Variants in CRISPLD2 observed in about 807,000 individuals in gnomAD.
CRISPLD2 encodes cysteine-rich secretory protein LCCL domain-containing 2.
Under a neutral mutation model 71.1 loss-of-function variants are expected in CRISPLD2, and 47 were observed. The observed-to-expected ratio is 0.66, with a 90% confidence interval of 0.52 to 0.84. CRISPLD2 has a LOEUF of 0.84. CRISPLD2 is among the 40% of genes least tolerant of loss of function. The pLI is 0.00. For missense variants in CRISPLD2, 830 were observed against 651.1 expected (o/e 1.27, Z -2.99); for synonymous variants, 317 against 250.1 (o/e 1.27, Z -2.52).
chr16:84,882,529 C>T (rs1353288437), intron 13 of CRISPLD2, among the ~76,000 whole-genome samples: 6 of 152,180 alleles, frequency 3.9e-5, no homozygotes, highest in Admixed American at 2.0e-4. Flanking sequence ...CTCAGCCTCC[C>T]GAGTGGCTGG....
chr16:84,848,276 C>T (rs1916970903), intron 3 of CRISPLD2, among the ~76,000 whole-genome samples: 1 of 152,224 alleles, frequency 6.6e-6, no homozygotes. Flanking sequence ...CTGCCCGCTG[C>T]CGTGCGCTCC....
At chr16:84,832,805 C>T (rs1916520135) in intron 1 of CRISPLD2, among the ~76,000 whole-genome samples, 1 of 152,216 alleles carries the variant, frequency 6.6e-6, no homozygotes, top group Non-Finnish European at 1.5e-5. Flanking sequence ...GCACTTGCAG[C>T]CCAGGCCAAT....
chr16:84,865,068 C>T (rs1036246001), intron 6 of CRISPLD2, among the ~76,000 whole-genome samples: 18 of 152,228 alleles, frequency 1.2e-4, no homozygotes, highest in Non-Finnish European at 2.1e-4. Flanking sequence ...ACACAAAATA[C>T]TTGCTGTGTC....
intron 3 of CRISPLD2, among the ~76,000 whole-genome samples, chr16:84,846,881 C>T (rs1386949737): frequency 1.3e-5 from 2 of 152,202 alleles, no homozygotes; most frequent in African/African-American, 4.8e-5. Flanking sequence ...CGGGCCTTCC[C>T]CAGAGTAAGC....
At chr16:84,885,594 C>G (rs746717833) in intron 13 of CRISPLD2, among the ~76,000 whole-genome samples, 1 of 152,188 alleles carries the variant, frequency 6.6e-6, no homozygotes, top group South Asian at 2.1e-4. Flanking sequence ...GAACCCCGCC[C>G]TCATCCGTTT....
At chr16:84,829,578 T>C (rs1458666837) in intron 1 of CRISPLD2, among the ~76,000 whole-genome samples, 3 of 152,174 alleles carry the variant, frequency 2.0e-5, no homozygotes, top group African/African-American at 7.2e-5. Flanking sequence ...CCCAGGCTTC[T>C]GGGGTCAGCT....
intron 14 of CRISPLD2, among the ~76,000 whole-genome samples, chr16:84,891,147 T>C (rs1321788078): frequency 1.3e-5 from 2 of 152,156 alleles, no homozygotes; most frequent in Non-Finnish European, 2.9e-5. Flanking sequence ...AACATATGGA[T>C]TTTGAGGGAC....
intron 1 of CRISPLD2, among the ~76,000 whole-genome samples, chr16:84,835,717 C>T (rs188099049): frequency 5.9e-5 from 9 of 152,354 alleles, no homozygotes; most frequent in Non-Finnish European, 1.3e-4. Flanking sequence ...AACTCTAAAG[C>T]TCCACCTGAG....
At chr16:84,826,666 G>T (rs187363514) in intron 1 of CRISPLD2, among the ~76,000 whole-genome samples, 27 of 152,362 alleles carry the variant, frequency 1.8e-4, no homozygotes, top group African/African-American at 6.5e-4. Flanking sequence ...GGACTGAGAA[G>T]GTATTTTCAG....
chr16:84,902,359 C>A (rs2071762697), intron 14 of CRISPLD2, among the ~76,000 whole-genome samples: 1 of 151,782 alleles, frequency 6.6e-6, no homozygotes, highest in Non-Finnish European at 1.5e-5. Context: ...CCTGTAATTC[C>A]AGCACTTTGG....
intron 12 of CRISPLD2, among the ~76,000 whole-genome samples, chr16:84,878,666 C>T (rs903188): frequency 0.23 from 34,350 of 152,142 alleles, 4,079 homozygotes; most frequent in African/African-American, 0.29. Flanking sequence ...CTGGGAACAG[C>T]TGTCGCTGAA....
At chr16:84,838,365 C>T (rs117512632) in intron 1 of CRISPLD2, 57 bp from the exon 2 acceptor site, 14,634 of 1,119,698 alleles carry the variant, frequency 0.013, 137 homozygotes, top group Non-Finnish European at 0.017. Flanking sequence ...CTCCAGCCAG[C>T]GCTGTGACCG....
At chr16:84,822,748 G>T (rs561548210) in intron 1 of CRISPLD2, among the ~76,000 whole-genome samples, 1 of 152,118 alleles carries the variant, frequency 6.6e-6, no homozygotes, top group Non-Finnish European at 1.5e-5. Flanking sequence ...ACGTTGTAAA[G>T]TCTTAAATAG....
chr16:84,905,617 C>T (rs1428068177), intron 14 of CRISPLD2, among the ~76,000 whole-genome samples: 2 of 151,934 alleles, frequency 1.3e-5, no homozygotes, highest in Non-Finnish European at 2.9e-5. Context: ...TCTCGAATTC[C>T]AGACCTCAAG....
intron 5 of CRISPLD2, among the ~76,000 whole-genome samples, chr16:84,852,278 C>T (rs1359077007): frequency 3.3e-5 from 5 of 152,208 alleles, no homozygotes; most frequent in Non-Finnish European, 5.9e-5. Flanking sequence ...TGAAAGTCCA[C>T]GGCAATAGCC....
In CRISPLD2 at chr16:84,895,543, A is replaced by T. The variant is rs569857271; in HGVS notation, c.1439+6180A>T. Among the ~76,000 whole-genome samples, 13 of 152,192 alleles carry T rather than the reference A, an allele frequency of 8.5e-5. No individual in the cohort carries two copies. The South Asian group carries it at 2.7e-3, about 32-fold the overall frequency. On this transcript the variant is annotated intron_variant, in intron 14 of 14. Transcript: ENST00000262424. The stretch of plus-strand genomic sequence containing the variant: ...CCTGTTTTTCCCCCGTGCACATAAA[A>T]CTCACATACAAATCAAAACGGAGAT...
intron 6 of CRISPLD2, among the ~76,000 whole-genome samples, chr16:84,866,238 G>T (rs28753808): frequency 2.7e-5 from 4 of 148,302 alleles, no homozygotes; most frequent in Non-Finnish European, 4.5e-5. Context: ...TTTGTTTTTT[G>T]GTTTTTTTTT....
intron 13 of CRISPLD2, among the ~76,000 whole-genome samples, chr16:84,886,368 C>T (rs976002886): frequency 2.6e-5 from 4 of 152,110 alleles, no homozygotes; most frequent in African/African-American, 2.4e-5. Context: ...CCGGGGCCCC[C>T]GGATGGGCCG....
At chr16:84,865,023 A>G (rs1917496565) in intron 6 of CRISPLD2, among the ~76,000 whole-genome samples, 3 of 152,156 alleles carry the variant, frequency 2.0e-5, no homozygotes, top group Admixed American at 2.0e-4. Context: ...GGAGTCAGGC[A>G]TTTGCCCCTC....
Sources: gnomAD v4.1 joint callset for allele counts (sites outside exome capture counted in the v4.1 genomes callset) on GRCh38, gnomAD v4.1.1 for gene constraint, MANE v1.5 for transcripts, NCBI Gene and HGNC (gene_info 2026-07-23, HGNC 2026-07-21) for gene names.